The following CNTNAP2 variants were observed in gnomAD, a reference collection of about 807,000 sequenced individuals.
The protein encoded by CNTNAP2 is contactin-associated protein-like 2.
A neutral mutation model predicts 155.2 loss-of-function variants in CNTNAP2; 98 were observed. The ratio of observed to expected loss-of-function variants is 0.63; its 90% CI spans 0.54 to 0.75. The LOEUF is 0.75. Ranked by LOEUF, CNTNAP2 falls within the 30% of genes least tolerant of loss-of-function variation. CNTNAP2 has a pLI of 0.00. For synonymous variants in CNTNAP2, 651 were observed against 631.2 expected (o/e 1.03, Z -0.47); for missense variants, 1,727 against 1,688.1 (o/e 1.02, Z -0.40).
intron 4 of CNTNAP2, among the ~76,000 whole-genome samples, chr7:147,063,580 T>G (rs545100837): frequency 7.2e-5 from 11 of 152,116 alleles, no homozygotes; most frequent in Middle Eastern, 3.4e-3. Context: ...CCCAAGAAAG[T>G]AAAGAATGTC....
At chr7:146,390,973 AGGAG>A (rs1795534405) in intron 1 of CNTNAP2, among the ~76,000 whole-genome samples, 1 of 148,604 alleles carries the variant, frequency 6.7e-6, no homozygotes, top group South Asian at 2.1e-4. Context: ...AGGCTGAGGC[AGGAG>A]AATTGCTTGA....
chr7:147,458,553 C>T (rs1370593945), intron 10 of CNTNAP2, among the ~76,000 whole-genome samples: 1 of 152,110 alleles, frequency 6.6e-6, no homozygotes, highest in African/African-American at 2.4e-5. Flanking sequence ...TCAGACTTGA[C>T]CTGAAGGGCT....
Position 146,459,551 on chromosome 7 carries a change from C to T in CNTNAP2, c.98-314720C>T, listed in dbSNP as rs539554299. 4.6e-5 allele frequency among the ~76,000 whole-genome samples: 7 copies of T among 152,248 alleles called. No individual in the cohort carries two copies. In the South Asian group the frequency reaches 1.2e-3, roughly 27 times the overall value. ...CAAATTTACCCAAGCCTATAAAGTG[C>T]ATGGAGTGTCAGAGAATAAAATACT... On this transcript the variant is annotated intron_variant, in intron 1 of 23. Transcript: ENST00000361727.
intron 16 of CNTNAP2, among the ~76,000 whole-genome samples, chr7:148,130,549 A>G (rs1298717255): frequency 6.6e-6 from 1 of 152,136 alleles, no homozygotes; most frequent in South Asian, 2.1e-4. Flanking sequence ...ACAGACCACC[A>G]TGATTCCCCC....
intron 4 of CNTNAP2, among the ~76,000 whole-genome samples, chr7:147,086,175 G>C (rs183819997): frequency 4.9e-4 from 75 of 152,222 alleles, no homozygotes; most frequent in Non-Finnish European, 8.8e-5. Context: ...TGTGAACGTA[G>C]TGAAAATACA....
At chr7:147,740,011 G>T (rs984569235) in intron 13 of CNTNAP2, among the ~76,000 whole-genome samples, 1 of 152,154 alleles carries the variant, frequency 6.6e-6, no homozygotes, top group African/African-American at 2.4e-5. Context: ...CCAGGTGTCT[G>T]TGTAGCTTTG....
intron 13 of CNTNAP2, among the ~76,000 whole-genome samples, chr7:147,824,600 A>T (rs1798416883): frequency 1.3e-5 from 2 of 152,106 alleles, no homozygotes; most frequent in Non-Finnish European, 2.9e-5. Context: ...GTAACTGTGG[A>T]TCTTCTTGGA....
At chr7:147,606,118 T>C (rs1801059205) in intron 12 of CNTNAP2, among the ~76,000 whole-genome samples, 1 of 152,186 alleles carries the variant, frequency 6.6e-6, no homozygotes, top group African/African-American at 2.4e-5. Context: ...AAGTCTTAGA[T>C]GACTTTTTCT....
chr7:147,231,475 A>G (rs1338527757), intron 8 of CNTNAP2, among the ~76,000 whole-genome samples: 5 of 152,102 alleles, frequency 3.3e-5, no homozygotes, highest in East Asian at 1.9e-4. Context: ...AGATCACGTG[A>G]TAGTTCTATT....
Position 146,928,789 on chromosome 7 carries a change from G to A in CNTNAP2, c.402+88885G>A, listed in dbSNP as rs186813643. ...GCGGTGCACCAGGAGATTATATCCC[G>A]CACCTGGCTCGGAGGGTCCTACGCC... is the stretch of plus-strand genomic sequence containing the variant. On this transcript the variant is annotated intron_variant, in intron 3 of 23. Coordinates refer to ENST00000361727, the MANE Select transcript of CNTNAP2 (RefSeq NM_014141.6). 1.1e-4 allele frequency among the ~76,000 whole-genome samples: 16 copies of A among 152,188 alleles called. 1 individual carries two copies. The highest frequency in any genetic ancestry group is 4.6e-4 in the Admixed American group (7 of 15,282).
chr7:146,153,417 T>A (rs1798080235), intron 1 of CNTNAP2, among the ~76,000 whole-genome samples: 1 of 152,130 alleles, frequency 6.6e-6, no homozygotes, highest in East Asian at 1.9e-4. Context: ...TTTTACAAAG[T>A]CTGACTGTAT....
intron 1 of CNTNAP2, among the ~76,000 whole-genome samples, chr7:146,389,041 G>A (rs1202583851): frequency 1.3e-5 from 2 of 152,100 alleles, no homozygotes; most frequent in South Asian, 2.1e-4. Context: ...GTGTTGAAAG[G>A]CCAAAACAAA....
At chr7:147,083,957 TA>T in intron 4 of CNTNAP2, among the ~76,000 whole-genome samples, 4 of 139,064 alleles carry the variant, frequency 2.9e-5, no homozygotes, top group East Asian at 4.2e-4. Flanking sequence ...GCATTATATA[TA>T]GCATTATATA....
At chr7:147,569,351 C>G (rs1800238249) in intron 12 of CNTNAP2, among the ~76,000 whole-genome samples, 1 of 151,256 alleles carries the variant, frequency 6.6e-6, no homozygotes, top group African/African-American at 2.4e-5. Context: ...ATAAACCCAC[C>G]CACCTCCACC....
At chr7:146,126,587 A>G (rs1434019919) in intron 1 of CNTNAP2, among the ~76,000 whole-genome samples, 1 of 152,240 alleles carries the variant, frequency 6.6e-6, no homozygotes, top group African/African-American at 2.4e-5. Flanking sequence ...TCAGGTATAC[A>G]TAAAAGCTGT....
At chr7:146,219,143 A>C (rs1227935578) in intron 1 of CNTNAP2, among the ~76,000 whole-genome samples, 1 of 152,094 alleles carries the variant, frequency 6.6e-6, no homozygotes, top group Admixed American at 6.6e-5. Flanking sequence ...AGACCATCAG[A>C]TCTCACGAGA....
At chr7:146,373,306 A>C (rs2129103149) in intron 1 of CNTNAP2, among the ~76,000 whole-genome samples, 1 of 152,270 alleles carries the variant, frequency 6.6e-6, no homozygotes, top group East Asian at 1.9e-4. Flanking sequence ...CTTAAGCCAG[A>C]AACAAGACTT....
chr7:146,864,877 A>G (rs1479600150), intron 3 of CNTNAP2, among the ~76,000 whole-genome samples: 2 of 151,534 alleles, frequency 1.3e-5, no homozygotes, highest in African/African-American at 2.4e-5. Flanking sequence ...TCCCAGCTCA[A>G]GTGGTCCCAG....
chr7:147,703,066 G>A (rs17170645), intron 13 of CNTNAP2, among the ~76,000 whole-genome samples: 3,971 of 152,184 alleles, frequency 0.026, 59 homozygotes, highest in South Asian at 0.063. Flanking sequence ...CACTTGAGGC[G>A]CATAGCAAGC....
Sources: gnomAD v4.1 joint callset for allele counts (sites outside exome capture counted in the v4.1 genomes callset) on GRCh38, gnomAD v4.1.1 for gene constraint, MANE v1.5 for transcripts, NCBI Gene and HGNC (gene_info 2026-07-23, HGNC 2026-07-21) for gene names.